The following LMBRD2 variants were observed in gnomAD, a reference collection of about 807,000 sequenced individuals.
LMBRD2 encodes the protein LMBR1 domain containing 2.
LMBRD2 carries 55 observed loss-of-function variants against 94.4 expected under a neutral mutation model. The observed-to-expected ratio is 0.58, with a 90% confidence interval of 0.47 to 0.73. The LOEUF (loss-of-function observed/expected upper bound fraction) is 0.73, where lower values mean the gene tolerates loss of function less well. Among genes scored for constraint, LMBRD2 ranks in the 30% least tolerant of loss-of-function variants. The pLI, the probability that LMBRD2 is intolerant of heterozygous loss-of-function variation, is 0.00. For synonymous variants in LMBRD2, 246 were observed against 272.4 expected (o/e 0.90, Z 0.95); for missense variants, 640 against 831.9 (o/e 0.77, Z 2.84).
chr5:36,130,540 G>T (rs536837509), intron 6 of LMBRD2, among the ~76,000 whole-genome samples: 3 of 152,108 alleles, frequency 2.0e-5, no homozygotes, highest in Admixed American at 6.5e-5. Context: ...AAAACAACCA[G>T]AAAACAAATA....
In LMBRD2 at chr5:36,104,049, A is replaced by G. The variant is rs991663924; in HGVS notation, c.2085T>C (p.Val695=). ...SMSRSDIFND[V] Reference sequence around the variant, plus strand: ...GTCCCACAAACTTTTTCAGACTTTAAACATCATTAAATATGTCACTGCGAG... The same window carrying G: ...GTCCCACAAACTTTTTCAGACTTTAGACATCATTAAATATGTCACTGCGAG... The change falls in exon 18 of 18, where the codon GTT becomes GTC. Residue 695 remains valine, a synonymous_variant. Coordinates refer to ENST00000296603, the MANE Select transcript of LMBRD2 (RefSeq NM_001007527.2). 6.2e-7 allele frequency: 1 copy of G among 1,609,486 alleles called. No individual in the cohort carries two copies. Among genetic ancestry groups the G allele is most frequent in the African/African-American group, 1.3e-5 (1 of 74,710 alleles).
Position 36,103,979 on chromosome 5 carries a change from C to T in LMBRD2, c.*67G>A. ...TGTATAGAGGAAATTCTAGGGTACA[C>T]AGATGTTCATCAAGACTGAACTGAT... is the stretch of plus-strand genomic sequence containing the variant. On this transcript the variant is annotated 3_prime_UTR_variant, in exon 18 of 18. Coordinates refer to ENST00000296603, the MANE Select transcript of LMBRD2 (RefSeq NM_001007527.2). 3 of 1,130,650 alleles carry T rather than the reference C, an allele frequency of 2.7e-6. No homozygotes were observed. The highest frequency in any genetic ancestry group is 3.1e-5 in the African/African-American group (2 of 64,858). The allele number at this position is 1,130,650 out of a possible 1,614,324, so 70.0% of individuals were successfully genotyped here. A position where few individuals can be genotyped will look rare whatever the true frequency, so the allele number is the denominator to read the frequency against.
chr5:36,150,419 G>T (rs1398303007), intron 1 of LMBRD2, among the ~76,000 whole-genome samples: 1 of 152,060 alleles, frequency 6.6e-6, no homozygotes, highest in Non-Finnish European at 1.5e-5. Context: ...TCTCATTATG[G>T]CATCTTAAAT....
rs1225850634 is a variant in LMBRD2, at chr5:36,136,402, T to A, written c.654A>T (p.Lys218Asn). ...EIPRSYWNGA[K>N]RGYLLMKTYF... ...ACGTTTTCATAAGTAGATAACCCCTTTTTGCTCCATTCCAGTATGATCGAG... is the reference window on the plus strand; with the variant it reads ...ACGTTTTCATAAGTAGATAACCCCTATTTGCTCCATTCCAGTATGATCGAG... The change falls in exon 6 of 18, where the codon AAA becomes AAT. Residue 218 changes from lysine (K) to asparagine (N), a missense_variant. This residue lies in a region of LMBRD2 where 457 missense variants were observed against 642.8 expected (regional missense o/e 0.71). Transcript: ENST00000296603. 2 of 1,614,078 alleles carry A rather than the reference T, an allele frequency of 1.2e-6. No homozygotes were observed. Among genetic ancestry groups the A allele is most frequent in the Admixed American group, 1.7e-5 (1 of 60,022 alleles).
chr5:36,110,332 G>A (rs1425063540), intron 14 of LMBRD2, among the ~76,000 whole-genome samples: 2 of 151,886 alleles, frequency 1.3e-5, no homozygotes, highest in Admixed American at 6.6e-5. Flanking sequence ...TGTATGAGTC[G>A]CTTTCCTTGT....
rs1008398266 is a variant in LMBRD2, at chr5:36,102,455, GAA to G, written c.*1589_*1590del. The stretch of plus-strand genomic sequence containing the variant: ...ATTGCTTTCTGGCCACACTTCACAT[GAA>G]AAGACTGTATGTGTGTGTTCTTAAG... On this transcript the variant is annotated 3_prime_UTR_variant, in exon 18 of 18. Coordinates refer to ENST00000296603, the MANE Select transcript of LMBRD2 (RefSeq NM_001007527.2). The G allele has an allele frequency of 1.3e-5, 2 of 151,682 alleles. No individual in the cohort carries two copies. The highest frequency in any genetic ancestry group is 4.8e-5 in the African/African-American group (2 of 41,382). 9.4% of individuals were successfully genotyped at this position (151,682 alleles called of 1,614,324 possible).
At position 36,142,576 on chromosome 5, in the gene LMBRD2, A is replaced by G; in HGVS notation, c.198T>C (p.His66=). 6 of 1,609,880 alleles carry G rather than the reference A, an allele frequency of 3.7e-6. No homozygotes were observed. The highest frequency in any genetic ancestry group is 2.2e-5 in the East Asian group (1 of 44,854). The change falls in exon 3 of 18, where the codon CAT becomes CAC. Residue 66 remains histidine (H), a synonymous_variant. Transcript: ENST00000296603. ...VSTTIYNRCK[H]AAANSSPPEN... ...CAGGAGGGCTTGAATTTGCAGCAGCATGCTTGCACCGGTTGTATATTGTCT... is the reference window on the plus strand; with the variant it reads ...CAGGAGGGCTTGAATTTGCAGCAGCGTGCTTGCACCGGTTGTATATTGTCT...
intron 4 of LMBRD2, 37 bp from the exon 5 acceptor site, chr5:36,137,478 TA>T: frequency 7.2e-7 from 1 of 1,380,964 alleles, no homozygotes; most frequent in Non-Finnish European, 1.0e-6. Context: ...AAAACCCAAA[TA>T]ATTGATATGT....
intron 9 of LMBRD2, 63 bp from the exon 10 acceptor site, chr5:36,117,979 G>T: frequency 3.2e-6 from 4 of 1,241,764 alleles, no homozygotes; most frequent in Admixed American, 2.4e-5. Context: ...TATTTACATT[G>T]TTTCAAAATA....
chr5:36,103,443 ATAATCT>A lies in LMBRD2; in HGVS notation c.*597_*602del, dbSNP rs1390320704. 1 of 152,398 alleles carries A rather than the reference ATAATCT, an allele frequency of 6.6e-6. No individual in the cohort carries two copies. Among genetic ancestry groups the A allele is most frequent in the African/African-American group, 2.4e-5 (1 of 41,418 alleles). 9.4% of individuals were successfully genotyped at this position (152,398 alleles called of 1,614,324 possible). Reference sequence around the variant, plus strand: ...TACACAGACACGCATCACTTGAAGTATAATCTTAATCTTATACATGCAAAAATCCCC... The same window carrying A: ...TACACAGACACGCATCACTTGAAGTATAATCTTATACATGCAAAAATCCCC... On this transcript the variant is annotated 3_prime_UTR_variant, in exon 18 of 18. Transcript: ENST00000296603.
intron 14 of LMBRD2, among the ~76,000 whole-genome samples, 199 bp downstream of exon 14, chr5:36,110,956 C>T (rs1265856646): frequency 6.6e-6 from 1 of 151,962 alleles, no homozygotes; most frequent in Non-Finnish European, 1.5e-5. Flanking sequence ...TTCTTAAAGA[C>T]CGATAAAACA....
rs766748249 is a variant in LMBRD2 at position 36,137,289 on chromosome 5, T to A, written c.521A>T (p.His174Leu). Reference sequence around the variant, plus strand: ...CTTTTCTTACCATTCTAAATGTAAATGTGGGTTTACAGCTACATAAATTAA... The same window carrying A: ...CTTTTCTTACCATTCTAAATGTAAAAGTGGGTTTACAGCTACATAAATTAA... ...AFLIYVAVNP[H>L]LHLEWNQLQT... is the part of the protein sequence containing the mutation. Residue 174 changes from histidine to leucine, a missense_variant, in exon 5 of 18, where the codon CAT (histidine) becomes CTT (leucine). Transcript: ENST00000296603. 3.2e-6 allele frequency: 5 copies of A among 1,585,590 alleles called. No homozygotes were observed. The highest frequency in any genetic ancestry group is 1.7e-6 in the Non-Finnish European group (2 of 1,160,566).
In LMBRD2 at chr5:36,102,953, C is replaced by G. The variant is rs1001246336; in HGVS notation, c.*1093G>C. On this transcript the variant is annotated 3_prime_UTR_variant, in exon 18 of 18. Transcript: ENST00000296603. ...AACATGTTCACTTTTCAATAAAACA[C>G]TAGTGCTTTAAAATATAATACATAA... The G allele has an allele frequency of 6.6e-6, 1 of 151,782 alleles. No homozygotes were observed. The highest frequency in any genetic ancestry group is 1.5e-5 in the Non-Finnish European group (1 of 67,764). The allele number at this position is 151,782 out of a possible 1,614,324, so 9.4% of individuals were successfully genotyped here.
rs1169141694 is a variant in LMBRD2 at position 36,128,966 on chromosome 5, C to T, written c.748-4701G>A. ...AAATGCATTGACATATTGAAGAATG[C>T]ATGAGAGTATCTTAACAGCAGAAAT... On this transcript the variant is annotated intron_variant, in intron 6 of 17. Transcript: ENST00000296603. Among the ~76,000 whole-genome samples, 8 of 152,160 alleles carry T rather than the reference C, an allele frequency of 5.3e-5. No homozygotes were observed. The East Asian group carries it at 1.5e-3, about 29-fold the overall frequency.
rs1414218268 is a variant in LMBRD2, at chr5:36,101,407, T to C, written c.*2639A>G. 2 of 151,946 alleles carry C rather than the reference T, an allele frequency of 1.3e-5. No individual in the cohort carries two copies. The highest frequency in any genetic ancestry group is 2.4e-5 in the African/African-American group (1 of 41,440). 9.4% of individuals were successfully genotyped at this position (151,946 alleles called of 1,614,324 possible). A position where few individuals can be genotyped will look rare whatever the true frequency, so the allele number is the denominator to read the frequency against. ...TTGGAAAATTTTAAACTAATACTTA[T>C]TATCAAGTAATAAAGTCATCAAAAA... On this transcript the variant is annotated 3_prime_UTR_variant, in exon 18 of 18. Transcript: ENST00000296603.
In LMBRD2 at chr5:36,148,677, A is replaced by C. The variant is rs573046335; in HGVS notation, c.-58+2879T>G. 2.6e-5 allele frequency among the ~76,000 whole-genome samples: 4 copies of C among 152,354 alleles called. No individual in the cohort carries two copies. The South Asian group carries it at 6.2e-4, about 24-fold the overall frequency. On this transcript the variant is annotated intron_variant, in intron 1 of 17. Transcript: ENST00000296603. ...CGTTTCCTTGCTTAACAGAAAAAAA[A>C]CAGTGCAGAGAGGTTAAGTAACTTG...
Position 36,108,551 on chromosome 5 carries a change from T to A in LMBRD2, c.1880A>T (p.Asp627Val), listed in dbSNP as rs372668533. Residue 627 changes from aspartate (D) to valine (V), a missense_variant, in exon 16 of 18, where the codon GAT becomes GTT. This residue lies in a region of LMBRD2 where 183 missense variants were observed against 189.1 expected (regional missense o/e 0.97). Coordinates refer to ENST00000296603, the MANE Select transcript of LMBRD2 (RefSeq NM_001007527.2). Reference protein sequence around the residue: ...HTDPKESNFSDVNTNRSAFKY... With the variant: ...HTDPKESNFSVVNTNRSAFKY... Reference sequence around the variant, plus strand: ...CTACTTACAACGGTTGGTATTAACATCTGAGAAGTTTGACTCTTTGGGGTC... The same window carrying A: ...CTACTTACAACGGTTGGTATTAACAACTGAGAAGTTTGACTCTTTGGGGTC... 6.3e-7 allele frequency: 1 copy of A among 1,576,932 alleles called. No homozygotes were observed. Among genetic ancestry groups the A allele is most frequent in the East Asian group, 2.3e-5 (1 of 44,408 alleles).
In LMBRD2 at chr5:36,136,318, A is replaced by G. The variant is rs1744268979; in HGVS notation, c.738T>C (p.Asp246=). 1.2e-6 allele frequency: 2 copies of G among 1,613,888 alleles called. No individual in the cohort carries two copies. Among genetic ancestry groups the G allele is most frequent in the African/African-American group, 1.3e-5 (1 of 74,940 alleles). ...GTTCAAACTTGCTTACCTCCATGGCATCTTCCAAATTCTCTTCTGCATCTG... is the reference window on the plus strand; with the variant it reads ...GTTCAAACTTGCTTACCTCCATGGCGTCTTCCAAATTCTCTTCTGCATCTG... ...EKADAEENLE[D]AMEEVRKVNE... is the part of the protein sequence containing the mutation. The change falls in exon 6 of 18, where the codon GAT becomes GAC. Residue 246 remains aspartate (D), a synonymous_variant. Coordinates refer to ENST00000296603, the MANE Select transcript of LMBRD2 (RefSeq NM_001007527.2).
rs996755125 is a variant in LMBRD2 at position 36,100,139 on chromosome 5, C to T, written c.*3907G>A. The T allele has an allele frequency of 6.6e-6, 1 of 152,060 alleles. No homozygotes were observed. Among genetic ancestry groups the T allele is most frequent in the Non-Finnish European group, 1.5e-5 (1 of 67,992 alleles). 9.4% of individuals were successfully genotyped at this position (152,060 alleles called of 1,614,324 possible). ...GTAACCTTCTTATATTGTTTCAACG[C>T]TCCTAAGAAAAGTTTTGATGATGTA... is the stretch of plus-strand genomic sequence containing the variant. On this transcript the variant is annotated 3_prime_UTR_variant, in exon 18 of 18. Transcript: ENST00000296603.
Sources: gnomAD v4.1 joint callset for allele counts (sites outside exome capture counted in the v4.1 genomes callset) on GRCh38, gnomAD v4.1.1 for gene constraint, gnomAD v4.1.1 regional missense constraint, MANE v1.5 for transcripts, NCBI Gene and HGNC (gene_info 2026-07-23, HGNC 2026-07-21) for gene names.